PPP2R1A: variants seen among roughly 807,000 people sequenced by gnomAD.
PPP2R1A encodes protein phosphatase 2 scaffold subunit Aalpha.
In PPP2R1A, 15 loss-of-function variants were observed where a neutral mutation model predicts 67.1. That is an observed-to-expected ratio of 0.22 (90% CI 0.15 to 0.34). The LOEUF (loss-of-function observed/expected upper bound fraction) is 0.34, where lower values mean the gene tolerates loss of function less well. PPP2R1A is among the 10% of genes least tolerant of loss of function. PPP2R1A has a pLI of 1.00. For missense variants in PPP2R1A, 369 were observed against 775.0 expected (o/e 0.48, Z 6.22); for synonymous variants, 337 against 325.0 (o/e 1.04, Z -0.40).
chr19:52,223,957 C>A (rs983709744), intron 13 of PPP2R1A, among the ~76,000 whole-genome samples: 1 of 152,188 alleles, frequency 6.6e-6, no homozygotes, highest in Non-Finnish European at 1.5e-5. Context: ...ATGGAAACAA[C>A]CTCCATGTCT....
rs1979359430 is a variant in PPP2R1A at position 52,227,940 on chromosome 19, C to CT, written c.*1960dup. The CT allele has an allele frequency of 6.6e-6, 1 of 152,202 alleles. No individual in the cohort carries two copies. The highest frequency in any genetic ancestry group is 1.5e-5 in the Non-Finnish European group (1 of 68,044). 9.4% of individuals were successfully genotyped at this position (152,202 alleles called of 1,614,324 possible). A position where few individuals can be genotyped will look rare whatever the true frequency, so the allele number is the denominator to read the frequency against. Reference sequence around the variant, plus strand: ...GGAGCTTGTTAGAAATGCAGAGCCTCTCGTCCCTGCCCCGACCTGCTCAGG... The same window carrying CT: ...GGAGCTTGTTAGAAATGCAGAGCCTCTTCGTCCCTGCCCCGACCTGCTCAGG... On this transcript the variant is annotated 3_prime_UTR_variant, in exon 15 of 15. Coordinates refer to ENST00000322088, the MANE Select transcript of PPP2R1A (RefSeq NM_014225.6).
intron 1 of PPP2R1A, 168 bp from the exon 2 acceptor site, chr19:52,201,776 C>T: frequency 1.7e-6 from 1 of 591,570 alleles, no homozygotes; most frequent in Non-Finnish European, 3.0e-6. Context: ...TTTAATGATT[C>T]CCTCGAGGTC....
intron 3 of PPP2R1A, among the ~76,000 whole-genome samples, chr19:52,207,590 G>A (rs1471903992): frequency 1.3e-5 from 2 of 152,196 alleles, no homozygotes; most frequent in African/African-American, 2.4e-5. Context: ...GACACATCCT[G>A]GGGCTGTCTG....
intron 1 of PPP2R1A, among the ~76,000 whole-genome samples, chr19:52,198,599 T>A (rs554354106): frequency 6.6e-6 from 1 of 152,288 alleles, no homozygotes; most frequent in African/African-American, 2.4e-5. Context: ...TTTCGTGCCA[T>A]CCCTGGGGAT....
At chr19:52,210,426 T>A (rs2089653438) in intron 3 of PPP2R1A, among the ~76,000 whole-genome samples, 1 of 151,840 alleles carries the variant, frequency 6.6e-6, no homozygotes, top group African/African-American at 2.4e-5. Context: ...AGGTTTTCGA[T>A]CCTGACCTGT....
Position 52,213,777 on chromosome 19 carries a change from C to T in PPP2R1A, c.807+667C>T, listed in dbSNP as rs143659787. ...CTGGGATTACAGGTGTTAGCCACCG[C>T]GCCCAGCCCCGGAAAGTTTAATTAA... On this transcript the variant is annotated intron_variant, in intron 6 of 14. Coordinates refer to ENST00000322088, the MANE Select transcript of PPP2R1A (RefSeq NM_014225.6). The surrounding 1 kb of genome is among the most constrained non-coding windows in gnomAD (Gnocchi z 4.2). Among the ~76,000 whole-genome samples, 459 of 152,132 alleles carry T rather than the reference C, an allele frequency of 3.0e-3. 2 individuals carry two copies. Among genetic ancestry groups the T allele is most frequent in the Middle Eastern group, 0.017 (5 of 294 alleles).
Position 52,211,302 on chromosome 19 carries a change from C to A in PPP2R1A, c.313C>A (p.Arg105=). The A allele has an allele frequency of 1.2e-6, 2 of 1,613,282 alleles. 1 individual carries two copies. The highest frequency in any genetic ancestry group is 3.7e-4 in the Middle Eastern group (2 of 5,478). The change falls in exon 4 of 15, where the codon CGG becomes AGG. Residue 105 remains arginine, a synonymous_variant. Transcript: ENST00000322088. The surrounding 1 kb of genome is among the most constrained non-coding windows in gnomAD (Gnocchi z 5.3). ...SLATVEETVV[R]DKAVESLRAI... is the part of the protein sequence containing the mutation. ...GGCCACAGTGGAGGAGACAGTGGTG[C>A]GGGACAAGGCAGTGGAGTCCTTACG...
At position 52,222,195 on chromosome 19, in the gene PPP2R1A, A is replaced by C; in HGVS notation, c.1615A>C (p.Asn539His). 1 of 1,614,124 alleles carries C rather than the reference A, an allele frequency of 6.2e-7. No individual in the cohort carries two copies. Among genetic ancestry groups the C allele is most frequent in the African/African-American group, 1.3e-5 (1 of 75,028 alleles). ...AGDPVANVRF[N>H]VAKSLQKIGP... is the part of the protein sequence containing the mutation. ...GGACCCGGTTGCCAATGTCCGCTTC[A>C]ATGTGGCCAAGTCTCTGCAGAAGAT... is the stretch of plus-strand genomic sequence containing the variant. The change falls in exon 13 of 15, where the codon AAT becomes CAT. Residue 539 changes from asparagine (N) to histidine (H), a missense_variant. Coordinates refer to ENST00000322088, the MANE Select transcript of PPP2R1A (RefSeq NM_014225.6).
chr19:52,210,793 G>A (rs1467355631), intron 3 of PPP2R1A, among the ~76,000 whole-genome samples: 4 of 152,036 alleles, frequency 2.6e-5, no homozygotes, highest in African/African-American at 7.2e-5. Context: ...CGCCCGGCCC[G>A]TTTTCTCTTC....
At chr19:52,222,046 G>T in intron 12 of PPP2R1A, 53 bp from the exon 13 acceptor site, 2 of 1,523,574 alleles carry the variant, frequency 1.3e-6, no homozygotes, top group Non-Finnish European at 1.8e-6. Context: ...AGCAGGAAAT[G>T]AGAGTTAGCC....
intron 3 of PPP2R1A, among the ~76,000 whole-genome samples, chr19:52,210,307 C>T (rs2089651973): frequency 2.0e-5 from 3 of 151,980 alleles, no homozygotes; most frequent in Admixed American, 6.6e-5. Context: ...TCATTCTAGG[C>T]CCACAGTAAC....
chr19:52,229,452 A>G lies in PPP2R1A; in HGVS notation c.*3471A>G, dbSNP rs8105432. 0.16 allele frequency: 24,571 copies of G among 152,182 alleles called. 2,573 individuals carry two copies. Among genetic ancestry groups the G allele is most frequent in the African/African-American group, 0.3 (12,444 of 41,392 alleles). The allele number at this position is 152,182 out of a possible 1,614,324, so 9.4% of individuals were successfully genotyped here. A position where few individuals can be genotyped will look rare whatever the true frequency, so the allele number is the denominator to read the frequency against. On this transcript the variant is annotated 3_prime_UTR_variant, in exon 15 of 15. Transcript: ENST00000322088. ...AGAGCAAGACCCCATATGAAAAAAA[A>G]TAATAATTCAGGAACTTGTCAAAAA... is the stretch of plus-strand genomic sequence containing the variant.
chr19:52,221,654 T>C (rs1978937304), intron 12 of PPP2R1A, among the ~76,000 whole-genome samples: 1 of 152,126 alleles, frequency 6.6e-6, no homozygotes, highest in East Asian at 1.9e-4. Context: ...CGCACAGGGC[T>C]TAGAACAGTT....
In PPP2R1A at chr19:52,219,576, A is replaced by AGGAGT. The variant is rs1978791902; in HGVS notation, c.1129-114_1129-110dup. The stretch of plus-strand genomic sequence containing the variant: ...CCAGAACGGGGAGCTGGGCTTGGAC[A>AGGAGT]GGAGTAGTCCCTCGGGAGATGTCCA... On this transcript the variant is annotated intron_variant, in intron 9 of 14. Coordinates refer to ENST00000322088, the MANE Select transcript of PPP2R1A (RefSeq NM_014225.6). This position sits in a 1 kb window ranked among gnomAD's most constrained non-coding sequence, Gnocchi z 4.0. The AGGAGT allele has an allele frequency of 3.7e-6, 4 of 1,083,604 alleles. No individual in the cohort carries two copies. The East Asian group carries it at 1.0e-4, about 28-fold the overall frequency. The allele number at this position is 1,083,604 out of a possible 1,614,324, so 67.1% of individuals were successfully genotyped here.
At chr19:52,206,823 C>G (rs2089607861) in intron 3 of PPP2R1A, among the ~76,000 whole-genome samples, 1 of 152,176 alleles carries the variant, frequency 6.6e-6, no homozygotes, top group Non-Finnish European at 1.5e-5. Flanking sequence ...CTGGTTTTCA[C>G]TGTTCTCAGA....
At chr19:52,215,177 T>A (rs963892300) in intron 6 of PPP2R1A, among the ~76,000 whole-genome samples, 1 of 152,184 alleles carries the variant, frequency 6.6e-6, no homozygotes, top group Non-Finnish European at 1.5e-5. Context: ...CACTTCAGCC[T>A]TCTGAGTAGC....
At position 52,213,056 on chromosome 19, in the gene PPP2R1A, C is replaced by A. The variant is rs756508136; in HGVS notation, c.753C>A (p.Ala251=). ...TGGTGATGCCCACTCTGCGCCAGGC[C>A]GCTGAAGACAAGTCCTGGCGCGTCC... The part of the protein sequence containing the change: ...EALVMPTLRQ[A]AEDKSWRVRY... Residue 251 remains alanine, a synonymous_variant, in exon 6 of 15, where the codon GCC becomes GCA. Transcript: ENST00000322088. The surrounding 1 kb of genome is among the most constrained non-coding windows in gnomAD (Gnocchi z 4.2). 2 of 1,609,696 alleles carry A rather than the reference C, an allele frequency of 1.2e-6. No individual in the cohort carries two copies. Among genetic ancestry groups the A allele is most frequent in the African/African-American group, 1.3e-5 (1 of 74,916 alleles).
chr19:52,219,617 C>A lies in PPP2R1A; in HGVS notation c.1129-74C>A. The A allele has an allele frequency of 6.9e-7, 1 of 1,450,794 alleles. No homozygotes were observed. The highest frequency in any genetic ancestry group is 9.4e-7 in the Non-Finnish European group (1 of 1,064,744). 89.9% of individuals were successfully genotyped at this position (1,450,794 alleles called of 1,614,324 possible). ...GAGATGTCCATAAAAGTTGATGCAG[C>A]TGAGCTCTTTCCATCCTGTCCTGGG... On this transcript the variant is annotated intron_variant, in intron 9 of 14. Coordinates refer to ENST00000322088, the MANE Select transcript of PPP2R1A (RefSeq NM_014225.6). This position sits in a 1 kb window ranked among gnomAD's most constrained non-coding sequence, Gnocchi z 4.0.
chr19:52,221,785 A>G (rs62109248), intron 12 of PPP2R1A, among the ~76,000 whole-genome samples: 12,129 of 152,252 alleles, frequency 0.08, 522 homozygotes, highest in Middle Eastern at 0.12. Context: ...TTAAAAATAA[A>G]TATAACTAAG....
Sources: allele counts gnomAD v4.1 joint callset (sites outside exome capture counted in the v4.1 genomes callset), GRCh38; gene constraint gnomAD v4.1.1; non-coding constraint Gnocchi (gnomAD v3.1); transcripts MANE v1.5; gene names NCBI Gene and HGNC (gene_info 2026-07-23, HGNC 2026-07-21).